PTGR2: variants seen among roughly 807,000 people sequenced by gnomAD.
The protein encoded by PTGR2 is prostaglandin reductase 2.
In PTGR2, 32 loss-of-function variants were observed where a neutral mutation model predicts 43.4. That is an observed-to-expected ratio of 0.74 (90% confidence interval 0.56 to 0.99). PTGR2 has a LOEUF of 0.99. Ranked by LOEUF, PTGR2 falls within the 50% of genes least tolerant of loss-of-function variation. The pLI is 0.00. For missense variants in PTGR2, 373 were observed against 420.0 expected (o/e 0.89, Z 0.98); for synonymous variants, 106 against 139.2 (o/e 0.76, Z 1.68).
chr14:73,867,064 G>GTGTGACAGA (rs1321612541), intron 3 of PTGR2, among the ~76,000 whole-genome samples: 1 of 139,608 alleles, frequency 7.2e-6, no homozygotes, highest in African/African-American at 2.7e-5. Flanking sequence ...ACTCCAGCCT[G>GTGTGACAGA]TGTGACAGAG....
intron 3 of PTGR2, among the ~76,000 whole-genome samples, chr14:73,870,665 C>A (rs2140256907): frequency 6.6e-6 from 1 of 151,726 alleles, no homozygotes; most frequent in African/African-American, 2.4e-5. Flanking sequence ...TTTTTATTTT[C>A]ATTTGACAGA....
chr14:73,875,734 C>T (rs62003708), intron 4 of PTGR2, among the ~76,000 whole-genome samples: 71,920 of 146,142 alleles, frequency 0.49, 17,770 homozygotes, highest in South Asian at 0.61. Flanking sequence ...CTGTTAAGCA[C>T]TTCCTTTTTT....
intron 3 of PTGR2, among the ~76,000 whole-genome samples, chr14:73,869,761 C>T (rs151234473): frequency 4.0e-5 from 6 of 151,660 alleles, no homozygotes; most frequent in Non-Finnish European, 5.9e-5. Context: ...CGAGGTGGCT[C>T]ATGCTGGTAA....
At chr14:73,857,859 C>T (rs1435387358) in intron 1 of PTGR2, among the ~76,000 whole-genome samples, 2 of 151,208 alleles carry the variant, frequency 1.3e-5, no homozygotes, top group African/African-American at 2.4e-5. Flanking sequence ...TTAGTAGAGA[C>T]GGGGTTTCAC....
chr14:73,881,157 C>T (rs568254776), intron 7 of PTGR2, 48 bp from the exon 8 acceptor site: 2 of 1,109,072 alleles, frequency 1.8e-6, no homozygotes, highest in African/African-American at 3.1e-5. Flanking sequence ...CTTGGAATAC[C>T]ACTCCCGTTA....
rs748876739 is a variant in PTGR2, at chr14:73,884,201, A to C, written c.*24A>C. The stretch of plus-strand genomic sequence containing the variant: ...AATTGCTGTAAATGTCATCAAGGCA[A>C]TCATAGATTTCTTTTCCATTTTGCA... On this transcript the variant is annotated 3_prime_UTR_variant, in exon 10 of 10. Transcript: ENST00000555661. 1 of 1,408,342 alleles carries C rather than the reference A, an allele frequency of 7.1e-7. No individual in the cohort carries two copies. The highest frequency in any genetic ancestry group is 2.3e-5 in the East Asian group (1 of 43,640). The allele number at this position is 1,408,342 out of a possible 1,614,324, so 87.2% of individuals were successfully genotyped here.
intron 4 of PTGR2, 38 bp downstream of exon 4, chr14:73,874,252 G>A (rs368975711): frequency 3.5e-5 from 50 of 1,424,298 alleles, no homozygotes; most frequent in East Asian, 9.2e-5. Context: ...TTTTTTCCCC[G>A]TATAATTCTT....
At chr14:73,868,285 T>C (rs1409751856) in intron 3 of PTGR2, among the ~76,000 whole-genome samples, 1 of 150,886 alleles carries the variant, frequency 6.6e-6, no homozygotes, top group Admixed American at 6.6e-5. Context: ...CAAGACTCTG[T>C]CTCAAAAAAA....
At chr14:73,865,587 C>G (rs1202774656) in intron 3 of PTGR2, among the ~76,000 whole-genome samples, 3 of 152,128 alleles carry the variant, frequency 2.0e-5, no homozygotes, top group Admixed American at 6.6e-5. Flanking sequence ...CATCACAGGG[C>G]CCAACTCATT....
intron 3 of PTGR2, among the ~76,000 whole-genome samples, chr14:73,866,879 A>G (rs1329677884): frequency 1.3e-5 from 2 of 152,002 alleles, no homozygotes; most frequent in Non-Finnish European, 2.9e-5. Context: ...ACCTGAGGTC[A>G]GACGTTCAGG....
In PTGR2 at chr14:73,884,089, C is replaced by T; in HGVS notation, c.980-12C>T. ...TTTATCTTTTCAGATAACCTACTTTCTCTTTTTCCAGCTGCATTCCAGTCC... is the reference window on the plus strand; with the variant it reads ...TTTATCTTTTCAGATAACCTACTTTTTCTTTTTCCAGCTGCATTCCAGTCC... On this transcript the variant is annotated splice_polypyrimidine_tract_variant and intron_variant, in intron 9 of 9. Coordinates refer to ENST00000555661, the MANE Select transcript of PTGR2 (RefSeq NM_001146154.2). The T allele has an allele frequency of 6.4e-7, 1 of 1,572,844 alleles. No homozygotes were observed.
At chr14:73,854,111 TA>T (rs1338312229) in intron 1 of PTGR2, among the ~76,000 whole-genome samples, 1 of 152,082 alleles carries the variant, frequency 6.6e-6, no homozygotes, top group South Asian at 2.1e-4. Context: ...ATTATTTATT[TA>T]TTTTTTTGAG....
At chr14:73,863,503 T>G (rs2054539200) in intron 3 of PTGR2, among the ~76,000 whole-genome samples, 1 of 152,142 alleles carries the variant, frequency 6.6e-6, no homozygotes, top group Non-Finnish European at 1.5e-5. Context: ...TAAAAAAACA[T>G]TTTAAAATTG....
intron 8 of PTGR2, 56 bp downstream of exon 8, chr14:73,881,348 C>A: frequency 2.7e-6 from 3 of 1,124,252 alleles, no homozygotes; most frequent in Non-Finnish European, 4.0e-6. Context: ...TATAATTTTG[C>A]ATTATTTAAA....
rs745499356 is a variant in PTGR2, at chr14:73,879,092, C to T, written c.520-4C>T. 6.2e-7 allele frequency: 1 copy of T among 1,612,958 alleles called. No homozygotes were observed. Among genetic ancestry groups the T allele is most frequent in the Non-Finnish European group, 8.5e-7 (1 of 1,179,260 alleles). ...GCCATTTAATCTTCAAATTTCCCCC[C>T]TAGATTGGCCATTTCTTAGGTTGTT... On this transcript the variant is annotated splice_polypyrimidine_tract_variant and splice_region_variant and intron_variant, in intron 5 of 9. Transcript: ENST00000555661.
In PTGR2 at chr14:73,865,754, G is replaced by A. The variant is rs568893530; in HGVS notation, c.156+5097G>A. 2.1e-4 allele frequency among the ~76,000 whole-genome samples: 32 copies of A among 151,232 alleles called. 1 individual carries two copies. The South Asian group carries it at 5.2e-3, about 25-fold the overall frequency. On this transcript the variant is annotated intron_variant, in intron 3 of 9. Coordinates refer to ENST00000555661, the MANE Select transcript of PTGR2 (RefSeq NM_001146154.2). ...GTCAGCACTTTTTTTTTTTTTAAGA[G>A]AGACCAGAAATATTTGACCACGAAG...
At chr14:73,879,402 G>T in intron 6 of PTGR2, 97 bp downstream of exon 6, 1 of 1,103,054 alleles carries the variant, frequency 9.1e-7, no homozygotes, top group Non-Finnish European at 1.3e-6. Context: ...TAAAATTGGA[G>T]GGATTATTGT....
chr14:73,879,942 A>T (rs1456624799), intron 6 of PTGR2, 113 bp from the exon 7 acceptor site: 1 of 1,036,540 alleles, frequency 9.6e-7, no homozygotes, highest in Non-Finnish European at 1.4e-6. Context: ...TTAAAAAAAA[A>T]ATCGAACTAG....
In PTGR2 at chr14:73,852,616, T is replaced by G. The variant is rs115210343; in HGVS notation, c.-48+673T>G. ...TCTTAGCGCTGACGAGCTGGGCAGT[T>G]AGTTTGAAATTCTGGGCTAGAGACG... On this transcript the variant is annotated intron_variant, in intron 1 of 9. Transcript: ENST00000555661. Among the ~76,000 whole-genome samples, 1,323 of 152,204 alleles carry G rather than the reference T, an allele frequency of 8.7e-3. 19 individuals are homozygous for G. The highest frequency in any genetic ancestry group is 0.03 in the African/African-American group (1,256 of 41,508).
Sources: allele counts gnomAD v4.1 joint callset (sites outside exome capture counted in the v4.1 genomes callset), GRCh38; gene constraint gnomAD v4.1.1; transcripts MANE v1.5; gene names NCBI Gene and HGNC (gene_info 2026-07-23, HGNC 2026-07-21).